Variants in UTP15 observed in about 807,000 individuals in gnomAD.
UTP15 encodes U3 small nucleolar RNA-associated protein 15 homolog.
Under a neutral mutation model 59.1 loss-of-function variants are expected in UTP15, and 5 were observed. The ratio of observed to expected loss-of-function variants is 0.08; its 90% CI spans 0.04 to 0.18. UTP15 has a LOEUF of 0.18. Among genes scored for constraint, UTP15 ranks in the 10% least tolerant of loss-of-function variants. The pLI, the probability that UTP15 is intolerant of heterozygous loss-of-function variation, is 1.00. For missense variants in UTP15, 494 were observed against 616.7 expected, an observed-to-expected ratio of 0.80 and a Z score of 2.11; for synonymous variants, 211 against 212.2, an observed-to-expected ratio of 0.99 and a Z score of 0.05.
chr5:73,578,198 A>G lies in UTP15; in HGVS notation c.1044+193A>G, dbSNP rs79260633. 8 of 535,076 alleles carry G rather than the reference A, an allele frequency of 1.5e-5. No homozygotes were observed. In the East Asian group the frequency reaches 2.1e-4, roughly 14 times the overall value. 33.1% of individuals were successfully genotyped at this position (535,076 alleles called of 1,614,324 possible). ...TGGGGAACAAGGACTACTTTATGTA[A>G]TACTCTGCATCATAACATAATGTTA... On this transcript the variant is annotated intron_variant, in intron 9 of 12. Coordinates refer to ENST00000296792, the MANE Select transcript of UTP15 (RefSeq NM_032175.4).
At chr5:73,572,740 A>G (rs1351683092) in intron 7 of UTP15, 116 bp downstream of exon 7, 6 of 1,046,958 alleles carry the variant, frequency 5.7e-6, no homozygotes, top group East Asian at 2.7e-5. Flanking sequence ...TTTCCAGGAG[A>G]AAAAAACCTG....
chr5:73,582,298 G>GT lies in UTP15; in HGVS notation c.*2205dup, dbSNP rs1748343714. 1 of 152,162 alleles carries GT rather than the reference G, an allele frequency of 6.6e-6. No homozygotes were observed. The highest frequency in any genetic ancestry group is 2.1e-4 in the South Asian group (1 of 4,826). 9.4% of individuals were successfully genotyped at this position (152,162 alleles called of 1,614,324 possible). A position where few individuals can be genotyped will look rare whatever the true frequency, so the allele number is the denominator to read the frequency against. On this transcript the variant is annotated 3_prime_UTR_variant, in exon 13 of 13. Transcript: ENST00000296792. ...CTGAGTGCTGCAGTTCTCAAAATAT[G>GT]TAACAGTTAACACATTTTTCAAACA...
At chr5:73,567,511 C>T in intron 2 of UTP15, 77 bp downstream of exon 2, 1 of 1,021,984 alleles carries the variant, frequency 9.8e-7, no homozygotes, top group East Asian at 2.7e-5. Context: ...ACTCTGGATG[C>T]TCTAACAGAG....
At chr5:73,567,864 A>G (rs1464755654) in intron 2 of UTP15, among the ~76,000 whole-genome samples, 2 of 152,324 alleles carry the variant, frequency 1.3e-5, no homozygotes, top group East Asian at 3.9e-4. Context: ...TACTAAGTGA[A>G]AAGAAGCAAG....
intron 9 of UTP15, 188 bp downstream of exon 9, chr5:73,578,193 A>T (rs1241949819): frequency 1.8e-6 from 1 of 554,370 alleles, no homozygotes; most frequent in Non-Finnish European, 3.1e-6. Flanking sequence ...GGACTACTTT[A>T]TGTAATACTC....
rs949658737 is a variant in UTP15 at position 73,578,816 on chromosome 5, T to G, written c.1110T>G (p.His370Gln). 10 of 1,613,810 alleles carry G rather than the reference T, an allele frequency of 6.2e-6. No homozygotes were observed. The highest frequency in any genetic ancestry group is 8.5e-6 in the Non-Finnish European group (10 of 1,179,852). ...HLELYDRDLKHFRISKALDRV... is the reference protein window; with the variant it reads ...HLELYDRDLKQFRISKALDRV... ...AATTGTATGACAGGGATCTGAAACA[T>G]TTTCGGATCTCTAAGGCACTCGATA... is the stretch of plus-strand genomic sequence containing the variant. Residue 370 changes from histidine to glutamine, a missense_variant, in exon 10 of 13, where the codon CAT becomes CAG. Transcript: ENST00000296792.
At position 73,567,259 on chromosome 5, in the gene UTP15, C is replaced by A; in HGVS notation, c.-83-3C>A. 1.3e-6 allele frequency: 1 copy of A among 790,956 alleles called. No homozygotes were observed. The highest frequency in any genetic ancestry group is 2.0e-6 in the Non-Finnish European group (1 of 508,720). The allele number at this position is 790,956 out of a possible 1,614,324, so 49.0% of individuals were successfully genotyped here. On this transcript the variant is annotated splice_region_variant and splice_polypyrimidine_tract_variant and intron_variant, in intron 1 of 12. Coordinates refer to ENST00000296792, the MANE Select transcript of UTP15 (RefSeq NM_032175.4). ...TATGTATATAAAATATTTTATTTTT[C>A]AGAATTAAGGCAGAGTCACTGTAAT...
Position 73,570,620 on chromosome 5 carries a change from A to G in UTP15, c.582A>G (p.Ala194=), listed in dbSNP as rs1325033512. 2 of 1,614,226 alleles carry G rather than the reference A, an allele frequency of 1.2e-6. No individual in the cohort carries two copies. The highest frequency in any genetic ancestry group is 1.1e-5 in the South Asian group (1 of 91,088). ...SYDHTVKMFD[A]RTSESVLSVE... The stretch of plus-strand genomic sequence containing the variant: ...ATCATACTGTGAAGATGTTTGATGC[A>G]CGAACGAGTGAGAGTGTTCTCTCCG... Residue 194 remains alanine (A), a synonymous_variant, in exon 6 of 13, where the codon GCA becomes GCG. Coordinates refer to ENST00000296792, the MANE Select transcript of UTP15 (RefSeq NM_032175.4).
chr5:73,566,363 C>G (rs528816915), intron 1 of UTP15, among the ~76,000 whole-genome samples: 1 of 152,204 alleles, frequency 6.6e-6, no homozygotes, highest in African/African-American at 2.4e-5. Flanking sequence ...AAGGCACAGA[C>G]CATGTCTTTA....
rs1284533046 is a variant in UTP15, at chr5:73,580,714, C to G, written c.*620C>G. ...AACTGACACTAGCTAGATTTGTATTCAGAGTGTGAGAGCAAGCTCTACAGA... is the reference window on the plus strand; with the variant it reads ...AACTGACACTAGCTAGATTTGTATTGAGAGTGTGAGAGCAAGCTCTACAGA... On this transcript the variant is annotated 3_prime_UTR_variant, in exon 13 of 13. Coordinates refer to ENST00000296792, the MANE Select transcript of UTP15 (RefSeq NM_032175.4). 6.6e-6 allele frequency: 1 copy of G among 152,138 alleles called. No individual in the cohort carries two copies. The highest frequency in any genetic ancestry group is 1.5e-5 in the Non-Finnish European group (1 of 68,044). The allele number at this position is 152,138 out of a possible 1,614,324, so 9.4% of individuals were successfully genotyped here.
chr5:73,579,534 G>A (rs1392353386), intron 12 of UTP15, among the ~76,000 whole-genome samples, 159 bp downstream of exon 12: 1 of 152,134 alleles, frequency 6.6e-6, no homozygotes, highest in Admixed American at 6.5e-5. Context: ...AGTTTAAAAA[G>A]TAGTAAAATG....
rs570717449 is a variant in UTP15 at position 73,569,092 on chromosome 5, C to T, written c.369-405C>T. ...CTTTGTTTTCAGGATTGCCAATGTC[C>T]GTGCTGAAATTTGTTAAAATTTAAC... On this transcript the variant is annotated intron_variant, in intron 4 of 12. Transcript: ENST00000296792. Among the ~76,000 whole-genome samples, 3 of 152,190 alleles carry T rather than the reference C, an allele frequency of 2.0e-5. No homozygotes were observed. In the South Asian group the frequency reaches 6.2e-4, roughly 32 times the overall value.
chr5:73,577,077 G>A, intron 8 of UTP15, 41 bp downstream of exon 8: 2 of 1,441,232 alleles, frequency 1.4e-6, no homozygotes, highest in South Asian at 1.2e-5. Context: ...CACTAACCCT[G>A]CCTGTTAAAT....
chr5:73,567,297 C>A lies in UTP15; in HGVS notation c.-48C>A. 1 of 1,314,676 alleles carries A rather than the reference C, an allele frequency of 7.6e-7. No individual in the cohort carries two copies. The highest frequency in any genetic ancestry group is 1.1e-6 in the Non-Finnish European group (1 of 945,214). The allele number at this position is 1,314,676 out of a possible 1,614,324, so 81.4% of individuals were successfully genotyped here. A position where few individuals can be genotyped will look rare whatever the true frequency, so the allele number is the denominator to read the frequency against. ...GAGTCACTGTAATTATTTCTAATAC[C>A]AATTCCAAAATAGTGACTCTTGGAC... On this transcript the variant is annotated 5_prime_UTR_variant, in exon 2 of 13. Transcript: ENST00000296792.
Position 73,579,136 on chromosome 5 carries a change from T to C in UTP15, c.1266T>C (p.Leu422=). 1 of 1,613,892 alleles carries C rather than the reference T, an allele frequency of 6.2e-7. No homozygotes were observed. Residue 422 remains leucine (L), a synonymous_variant, in exon 11 of 13, where the codon CTT becomes CTC. Transcript: ENST00000296792. ...ATGAGAAGGAAATCAGTCATGTTCT[T>C]AATTTTTTGATAAGGTATGTTTTTT... is the stretch of plus-strand genomic sequence containing the variant. ...GRDEKEISHV[L]NFLIRNLSQP...
At position 73,577,174 on chromosome 5, in the gene UTP15, G is replaced by A. The variant is rs1251050140; in HGVS notation, c.894+138G>A. On this transcript the variant is annotated intron_variant, in intron 8 of 12. Transcript: ENST00000296792. ...GATATTTGAGTTAAGACAATTGCTG[G>A]AATATGTAACTCGTCCTATTGACTC... 4.3e-6 allele frequency: 3 copies of A among 698,450 alleles called. No homozygotes were observed. In the East Asian group the frequency reaches 7.7e-5, roughly 18 times the overall value. The allele number at this position is 698,450 out of a possible 1,614,324, so 43.3% of individuals were successfully genotyped here.
At chr5:73,569,256 A>G (rs1015697517) in intron 4 of UTP15, among the ~76,000 whole-genome samples, 1 of 146,946 alleles carries the variant, frequency 6.8e-6, no homozygotes, top group African/African-American at 2.4e-5. Context: ...ACTAGAAAAT[A>G]TAATTTTAAG....
intron 10 of UTP15, 26 bp from the exon 11 acceptor site, chr5:73,578,991 C>A: frequency 6.2e-7 from 1 of 1,601,584 alleles, no homozygotes; most frequent in South Asian, 1.1e-5. Context: ...TTTGTCTACT[C>A]ATGTTGACTT....
intron 7 of UTP15, among the ~76,000 whole-genome samples, chr5:73,576,548 C>T (rs1414674640): frequency 6.6e-6 from 1 of 151,512 alleles, no homozygotes; most frequent in Non-Finnish European, 1.5e-5. Flanking sequence ...AATCTTGGCT[C>T]ACTGCAGCCT....
Sources: gnomAD v4.1 joint callset for allele counts (sites outside exome capture counted in the v4.1 genomes callset) on GRCh38, gnomAD v4.1.1 for gene constraint, MANE v1.5 for transcripts, NCBI Gene and HGNC (gene_info 2026-07-23, HGNC 2026-07-21) for gene names.